Variants in ZNF609 observed in about 807,000 individuals in gnomAD.
ZNF609 encodes the protein zinc finger protein 609.
A neutral mutation model predicts 109.5 loss-of-function variants in ZNF609; 11 were observed. That is an observed-to-expected ratio of 0.10 (90% CI 0.06 to 0.17). ZNF609 has a LOEUF of 0.17. Ranked by LOEUF, ZNF609 falls within the 10% of genes least tolerant of loss-of-function variation. ZNF609 has a pLI of 1.00. For missense variants in ZNF609, 1,559 were observed against 1,772.4 expected (o/e 0.88, Z 2.16); for synonymous variants, 646 against 662.0 (o/e 0.98, Z 0.37).
intron 3 of ZNF609, among the ~76,000 whole-genome samples, chr15:64,665,323 A>T (rs1896630198): frequency 6.6e-6 from 1 of 152,232 alleles, no homozygotes; most frequent in African/African-American, 2.4e-5. Flanking sequence ...AGTCTGAAAG[A>T]TCTGACCACT....
intron 2 of ZNF609, among the ~76,000 whole-genome samples, chr15:64,601,681 G>A (rs1567025793): frequency 6.6e-6 from 1 of 152,148 alleles, no homozygotes; most frequent in Non-Finnish European, 1.5e-5. Flanking sequence ...TGATCCTATT[G>A]TCTAGAGTAT....
chr15:64,546,120 A>G (rs1466794297), intron 2 of ZNF609, among the ~76,000 whole-genome samples: 1 of 152,246 alleles, frequency 6.6e-6, no homozygotes, highest in Middle Eastern at 3.2e-3. Flanking sequence ...TACTCTTACC[A>G]GCTATGTATG....
intron 8 of ZNF609, 119 bp downstream of exon 8, chr15:64,680,981 A>AT (rs796962997): frequency 0.045 from 38,285 of 847,138 alleles, 16 homozygotes; most frequent in South Asian, 0.054. Context: ...TCCTTTTTTA[A>AT]TTTTTTTTTT....
chr15:64,662,403 A>G (rs889604582), intron 3 of ZNF609, among the ~76,000 whole-genome samples: 2 of 151,998 alleles, frequency 1.3e-5, no homozygotes, highest in African/African-American at 2.4e-5. Flanking sequence ...TCAACTCATT[A>G]CAGCCTAGAT....
intron 2 of ZNF609, among the ~76,000 whole-genome samples, chr15:64,510,228 A>G (rs1893703863): frequency 6.8e-6 from 1 of 147,128 alleles, no homozygotes. Context: ...TTTAACAGAC[A>G]GGGTCTCCCT....
intron 2 of ZNF609, chr15:64,592,875 T>C (rs1012404889): frequency 9.5e-6 from 6 of 631,948 alleles, no homozygotes; most frequent in Middle Eastern, 8.4e-4. Flanking sequence ...ATCGCGCCAC[T>C]GCACCCCAGC....
chr15:64,677,938 T>C (rs1896829663), intron 5 of ZNF609, among the ~76,000 whole-genome samples, 178 bp from the exon 6 acceptor site: 1 of 152,090 alleles, frequency 6.6e-6, no homozygotes, highest in Non-Finnish European at 1.5e-5. Context: ...GGCGGGGGCT[T>C]TTTAACCAAA....
chr15:64,529,906 T>G (rs1360315341), intron 2 of ZNF609, among the ~76,000 whole-genome samples: 1 of 152,100 alleles, frequency 6.6e-6, no homozygotes, highest in Non-Finnish European at 1.5e-5. Context: ...AATTTTGTAT[T>G]TTTAGTAGAG....
intron 5 of ZNF609, among the ~76,000 whole-genome samples, chr15:64,676,689 C>CT (rs1896814931): frequency 6.6e-6 from 1 of 152,128 alleles, no homozygotes; most frequent in African/African-American, 2.4e-5. Flanking sequence ...CTGCCTCAGC[C>CT]TCCCAGAGTG....
At position 64,625,934 on chromosome 15, in the gene ZNF609, TATAGAGAG is replaced by T. The variant is rs1417215053; in HGVS notation, c.973+2884_973+2891del. ...AAAAAAATATATATATATATATATATATAGAGAGAGAGAGAGAGAGAGAGAGAGAGAGA... is the reference window on the plus strand; with the variant it reads ...AAAAAAATATATATATATATATATATAGAGAGAGAGAGAGAGAGAGAGAGA... On this transcript the variant is annotated intron_variant, in intron 3 of 9. Coordinates refer to ENST00000326648, the MANE Select transcript of ZNF609 (RefSeq NM_015042.2). 2.7e-3 allele frequency among the ~76,000 whole-genome samples: 192 copies of T among 71,036 alleles called. 1 individual carries two copies. The highest frequency in any genetic ancestry group is 8.6e-3 in the Middle Eastern group (1 of 116). 46.6% of individuals were successfully genotyped at this position (71,036 alleles called of 152,430 possible).
chr15:64,548,702 C>T (rs1894408357), intron 2 of ZNF609, among the ~76,000 whole-genome samples: 1 of 152,086 alleles, frequency 6.6e-6, no homozygotes, highest in Non-Finnish European at 1.5e-5. Flanking sequence ...GTTGAGGCTG[C>T]AGTGAGCTGT....
chr15:64,634,851 CATT>C (rs1200471873), intron 3 of ZNF609, among the ~76,000 whole-genome samples: 1 of 152,160 alleles, frequency 6.6e-6, no homozygotes, highest in Non-Finnish European at 1.5e-5. Flanking sequence ...ACAAAGGAAA[CATT>C]AGGGAAATCA....
chr15:64,541,100 C>T (rs985604740), intron 2 of ZNF609, among the ~76,000 whole-genome samples: 1 of 150,710 alleles, frequency 6.6e-6, no homozygotes, highest in Non-Finnish European at 1.5e-5. Flanking sequence ...TCCTCTTCTC[C>T]ATCATATAGG....
chr15:64,530,112 T>G (rs766201036), intron 2 of ZNF609, among the ~76,000 whole-genome samples: 17 of 151,478 alleles, frequency 1.1e-4, no homozygotes, highest in Non-Finnish European at 4.4e-5. Context: ...CCTCCCAGGG[T>G]CAAGTGATTC....
At chr15:64,625,901 AAAAAAAAAAAAAAAT>A (rs1318700725) in intron 3 of ZNF609, among the ~76,000 whole-genome samples, 2 of 78,652 alleles carry the variant, frequency 2.5e-5, no homozygotes, top group African/African-American at 1.1e-4. Context: ...AAAAAAAAAA[AAAAAAAAAAAAAAAT>A]ATATATATAT....
chr15:64,605,740 T>G (rs1209705117), intron 2 of ZNF609, among the ~76,000 whole-genome samples: 2 of 148,824 alleles, frequency 1.3e-5, no homozygotes, highest in African/African-American at 2.5e-5. Flanking sequence ...TCTTTCTTTT[T>G]TTTTTTTTTT....
At chr15:64,680,914 A>C (rs753368320) in intron 8 of ZNF609, 52 bp downstream of exon 8, 1 of 1,589,550 alleles carries the variant, frequency 6.3e-7, no homozygotes, top group East Asian at 2.2e-5. Flanking sequence ...TGTTTTGTTT[A>C]TCTTCATCCC....
At chr15:64,610,310 T>G (rs777309147) in intron 2 of ZNF609, among the ~76,000 whole-genome samples, 1 of 152,062 alleles carries the variant, frequency 6.6e-6, no homozygotes, top group Non-Finnish European at 1.5e-5. Flanking sequence ...ATGGGCCTAC[T>G]CAAACAGAGT....
At chr15:64,655,014 T>C (rs1896469815) in intron 3 of ZNF609, among the ~76,000 whole-genome samples, 1 of 150,286 alleles carries the variant, frequency 6.7e-6, no homozygotes, top group Admixed American at 6.7e-5. Context: ...GAGAATGGCA[T>C]GAACCCGGGA....
Sources: allele counts gnomAD v4.1 joint callset (sites outside exome capture counted in the v4.1 genomes callset), GRCh38; gene constraint gnomAD v4.1.1; transcripts MANE v1.5; gene names NCBI Gene and HGNC (gene_info 2026-07-23, HGNC 2026-07-21).